PAN3: variants seen among roughly 807,000 people sequenced by gnomAD.
PAN3 encodes the protein poly(A) specific ribonuclease subunit PAN3, also known as PAN2-PAN3 deadenylation complex subunit PAN3.
PAN3 carries 19 observed loss-of-function variants against 96.2 expected under a neutral mutation model. The ratio of observed to expected loss-of-function variants is 0.20; its 90% CI spans 0.14 to 0.29. The LOEUF (loss-of-function observed/expected upper bound fraction) is 0.29. Among genes scored for constraint, PAN3 ranks in the 10% least tolerant of loss-of-function variants. The pLI, the probability that PAN3 is intolerant of heterozygous loss-of-function variation, is 1.00. For synonymous variants in PAN3, 433 were observed against 406.6 expected (o/e 1.06, Z -0.78); for missense variants, 882 against 1,108.1 (o/e 0.80, Z 2.90).
At chr13:28,193,754 A>AC (rs1196016798) in intron 4 of PAN3, among the ~76,000 whole-genome samples, 4 of 149,668 alleles carry the variant, frequency 2.7e-5, no homozygotes, top group Non-Finnish European at 5.9e-5. Flanking sequence ...AAAAAAAAAA[A>AC]AACCCAAGAA....
chr13:28,241,255 G>T lies in PAN3; in HGVS notation c.1001-15037G>T, dbSNP rs541841547. 8.5e-5 allele frequency among the ~76,000 whole-genome samples: 13 copies of T among 152,182 alleles called. No homozygotes were observed. In the South Asian group the frequency reaches 2.7e-3, roughly 32 times the overall value. On this transcript the variant is annotated intron_variant, in intron 6 of 18. Coordinates refer to ENST00000380958, the MANE Select transcript of PAN3 (RefSeq NM_175854.8). ...TCCAGCCTGGGCAACAGAGTGAAAC[G>T]CTGTTTCAAAAAAAGGACAAAAGAA...
chr13:28,290,161 C>T (rs1869570227), intron 18 of PAN3, among the ~76,000 whole-genome samples: 1 of 152,168 alleles, frequency 6.6e-6, no homozygotes. Flanking sequence ...AAAACATTTA[C>T]CGTCTGACCC....
chr13:28,229,402 C>G (rs945730432), intron 6 of PAN3, among the ~76,000 whole-genome samples: 1 of 152,130 alleles, frequency 6.6e-6, no homozygotes, highest in Non-Finnish European at 1.5e-5. Flanking sequence ...TTCCATAGTA[C>G]TCTCTGGCTT....
At chr13:28,264,225 G>A (rs927856791) in intron 9 of PAN3, among the ~76,000 whole-genome samples, 1 of 152,036 alleles carries the variant, frequency 6.6e-6, no homozygotes, top group East Asian at 1.9e-4. Context: ...ATAAATTGAT[G>A]CTCTTTTAAA....
At chr13:28,230,113 T>C (rs1212291471) in intron 6 of PAN3, among the ~76,000 whole-genome samples, 2 of 152,054 alleles carry the variant, frequency 1.3e-5, no homozygotes, top group African/African-American at 4.8e-5. Flanking sequence ...ACTTGAATTG[T>C]TTCCTGTGAA....
chr13:28,266,475 A>C (rs1886188007), intron 9 of PAN3, among the ~76,000 whole-genome samples: 2 of 152,184 alleles, frequency 1.3e-5, no homozygotes, highest in South Asian at 4.1e-4. Flanking sequence ...ATAAAAGGAA[A>C]TGTTTTTGAA....
chr13:28,276,471 T>A (rs991317550), intron 14 of PAN3, among the ~76,000 whole-genome samples: 1 of 152,160 alleles, frequency 6.6e-6, no homozygotes, highest in African/African-American at 2.4e-5. Context: ...GGAGTTATAA[T>A]AGGTGATAAA....
intron 3 of PAN3, among the ~76,000 whole-genome samples, chr13:28,177,520 T>C (rs1470537913): frequency 1.3e-5 from 2 of 152,212 alleles, no homozygotes; most frequent in Admixed American, 6.5e-5. Flanking sequence ...TCCCAAGATA[T>C]GGTCTCAAGA....
chr13:28,205,343 A>T (rs921443305), intron 5 of PAN3, among the ~76,000 whole-genome samples: 1 of 151,948 alleles, frequency 6.6e-6, no homozygotes, highest in Non-Finnish European at 1.5e-5. Flanking sequence ...TAAATGTACT[A>T]CTTTCTGTTC....
intron 18 of PAN3, among the ~76,000 whole-genome samples, chr13:28,289,553 G>C (rs1869446526): frequency 6.6e-6 from 1 of 152,168 alleles, no homozygotes; most frequent in Non-Finnish European, 1.5e-5. Context: ...TAATAGCCGT[G>C]AGCCACCACG....
chr13:28,170,764 A>G (rs981961988), intron 1 of PAN3, among the ~76,000 whole-genome samples: 3 of 151,716 alleles, frequency 2.0e-5, no homozygotes, highest in African/African-American at 7.3e-5. Context: ...TTGTAAAGAA[A>G]GTCATAAGAT....
chr13:28,153,283 T>G (rs978557190), intron 1 of PAN3, among the ~76,000 whole-genome samples: 1 of 139,006 alleles, frequency 7.2e-6, no homozygotes, highest in Admixed American at 7.7e-5. Context: ...GTTGCCAGCC[T>G]GGAGTGCAAT....
intron 18 of PAN3, among the ~76,000 whole-genome samples, chr13:28,289,132 T>G (rs180874528): frequency 6.6e-6 from 1 of 152,228 alleles, no homozygotes; most frequent in African/African-American, 2.4e-5. Flanking sequence ...GGCCTAACTC[T>G]AGGTTTTATA....
intron 1 of PAN3, among the ~76,000 whole-genome samples, chr13:28,151,278 G>A (rs1871326908): frequency 1.3e-5 from 2 of 152,142 alleles, no homozygotes; most frequent in South Asian, 4.1e-4. Flanking sequence ...CACTTTGGGA[G>A]GCCGAGGTGG....
chr13:28,244,411 T>A (rs1274576242), intron 6 of PAN3, among the ~76,000 whole-genome samples: 6 of 152,186 alleles, frequency 3.9e-5, no homozygotes, highest in Admixed American at 1.3e-4. Flanking sequence ...TCACTTTTTT[T>A]ATTTTATCTA....
intron 6 of PAN3, among the ~76,000 whole-genome samples, chr13:28,240,301 A>G (rs1321062618): frequency 1.3e-5 from 2 of 152,174 alleles, no homozygotes; most frequent in African/African-American, 4.8e-5. Context: ...ACAGAATAAA[A>G]AGCTTCATAC....
intron 14 of PAN3, among the ~76,000 whole-genome samples, chr13:28,276,834 A>G (rs1202473757): frequency 6.6e-6 from 1 of 152,250 alleles, no homozygotes; most frequent in East Asian, 1.9e-4. Flanking sequence ...ATAGCAAAGC[A>G]AATGTATAGT....
In PAN3 at chr13:28,210,787, G is replaced by T. The variant is rs556806531; in HGVS notation, c.853-9444G>T. 6.4e-4 allele frequency among the ~76,000 whole-genome samples: 97 copies of T among 152,186 alleles called. 1 individual carries two copies. The highest frequency in any genetic ancestry group is 1.4e-3 in the Admixed American group (22 of 15,286). Reference sequence around the variant, plus strand: ...ACCTTATGTGAACCTGGGGATTCTTGTTACCATCTGACTACTCCTTTCCAT... The same window carrying T: ...ACCTTATGTGAACCTGGGGATTCTTTTTACCATCTGACTACTCCTTTCCAT... On this transcript the variant is annotated intron_variant, in intron 5 of 18. Transcript: ENST00000380958.
intron 1 of PAN3, among the ~76,000 whole-genome samples, chr13:28,154,641 C>T (rs532282412): frequency 3.0e-4 from 46 of 151,786 alleles, no homozygotes; most frequent in African/African-American, 1.1e-3. Context: ...ATTACAGGTG[C>T]CCTCCACTAC....
Sources: gnomAD v4.1 joint callset for allele counts (sites outside exome capture counted in the v4.1 genomes callset) on GRCh38, gnomAD v4.1.1 for gene constraint, MANE v1.5 for transcripts, NCBI Gene and HGNC (gene_info 2026-07-23, HGNC 2026-07-21) for gene names.